PCDHGB7: variants seen among roughly 807,000 people sequenced by gnomAD.
PCDHGB7 encodes protocadherin gamma-B7.
In PCDHGB7, 37 loss-of-function variants were observed where a neutral mutation model predicts 61.4. The ratio of observed to expected loss-of-function variants is 0.60; its 90% CI spans 0.46 to 0.79. The LOEUF (loss-of-function observed/expected upper bound fraction) is 0.79, where lower values mean the gene tolerates loss of function less well. Ranked by LOEUF, PCDHGB7 falls within the 30% of genes least tolerant of loss-of-function variation. The pLI, the probability that PCDHGB7 is intolerant of heterozygous loss-of-function variation, is 0.00. For synonymous variants in PCDHGB7, 464 were observed against 503.5 expected (o/e 0.92, Z 1.05); for missense variants, 1,166 against 1,202.5 (o/e 0.97, Z 0.45).
At chr5:141,448,069 T>G (rs1184496754) in intron 1 of PCDHGB7, among the ~76,000 whole-genome samples, 1 of 151,202 alleles carries the variant, frequency 6.6e-6, no homozygotes, top group African/African-American at 2.4e-5. Context: ...CTGGGCAACA[T>G]GAACGAAATG....
Position 141,511,643 on chromosome 5 carries a change from C to T in PCDHGB7, c.*470C>T, listed in dbSNP as rs937995879. ...TGAAAAGTTGGAAGGGCATCATGACCTCTTGGCCTCTCCTTTGATTCTCAA... is the reference window on the plus strand; with the variant it reads ...TGAAAAGTTGGAAGGGCATCATGACTTCTTGGCCTCTCCTTTGATTCTCAA... On this transcript the variant is annotated 3_prime_UTR_variant, in exon 4 of 4. Coordinates refer to ENST00000398594, the MANE Select transcript of PCDHGB7 (RefSeq NM_018927.4). 4 of 218,904 alleles carry T rather than the reference C, an allele frequency of 1.8e-5. No homozygotes were observed. The highest frequency in any genetic ancestry group is 5.2e-5 in the Admixed American group (1 of 19,306). 13.6% of individuals were successfully genotyped at this position (218,904 alleles called of 1,614,324 possible). A position where few individuals can be genotyped will look rare whatever the true frequency, so the allele number is the denominator to read the frequency against.
At chr5:141,478,735 G>T in intron 1 of PCDHGB7, 1 of 1,535,968 alleles carries the variant, frequency 6.5e-7, no homozygotes, top group Non-Finnish European at 8.8e-7. Flanking sequence ...AGTGTGGTTT[G>T]TGGTCCCATT....
chr5:141,421,578 T>G, intron 1 of PCDHGB7: 1 of 1,613,886 alleles, frequency 6.2e-7, no homozygotes, highest in Non-Finnish European at 8.5e-7. Flanking sequence ...CCTTGAAGAT[T>G]TACGGAGTGG....
intron 2 of PCDHGB7, among the ~76,000 whole-genome samples, chr5:141,500,292 T>A (rs1001226545): frequency 2.0e-5 from 3 of 151,954 alleles, no homozygotes; most frequent in Non-Finnish European, 4.4e-5. Context: ...CACTGCAAGC[T>A]CCGCCTCCCA....
intron 1 of PCDHGB7, among the ~76,000 whole-genome samples, chr5:141,462,030 T>C (rs1283795051): frequency 3.9e-5 from 6 of 152,122 alleles, no homozygotes; most frequent in Non-Finnish European, 8.8e-5. Flanking sequence ...TTCATGTTGG[T>C]CAGGCGGGTC....
chr5:141,505,891 G>A (rs541853565), intron 3 of PCDHGB7, among the ~76,000 whole-genome samples: 9 of 152,288 alleles, frequency 5.9e-5, no homozygotes, highest in Admixed American at 5.9e-4. Context: ...GATTAAATGA[G>A]ATGATACCAC....
At position 141,489,378 on chromosome 5, in the gene PCDHGB7, G is replaced by A. The variant is rs1562129701; in HGVS notation, c.2416-5429G>A. ...AGTCTGAGCCGGGGACGCTGGTGGGGAATGTTGCTCAGGATCTGGGCTTAA... is the reference window on the plus strand; with the variant it reads ...AGTCTGAGCCGGGGACGCTGGTGGGAAATGTTGCTCAGGATCTGGGCTTAA... On this transcript the variant is annotated intron_variant, in intron 1 of 3. Coordinates refer to ENST00000398594, the MANE Select transcript of PCDHGB7 (RefSeq NM_018927.4). The surrounding 1 kb of genome is among the most constrained non-coding windows in gnomAD (Gnocchi z 4.5). 1.2e-6 allele frequency: 2 copies of A among 1,613,908 alleles called. No homozygotes were observed. The highest frequency in any genetic ancestry group is 3.3e-5 in the Admixed American group (2 of 60,026).
At chr5:141,488,183 T>C (rs1249953031) in intron 1 of PCDHGB7, among the ~76,000 whole-genome samples, 1 of 152,148 alleles carries the variant, frequency 6.6e-6, no homozygotes, top group Non-Finnish European at 1.5e-5. Flanking sequence ...CATAGATCTT[T>C]TGGTCTGGGT....
In PCDHGB7 at chr5:141,477,247, T is replaced by C; in HGVS notation, c.2416-17560T>C. On this transcript the variant is annotated intron_variant, in intron 1 of 3. Transcript: ENST00000398594. This position sits in a 1 kb window ranked among gnomAD's most constrained non-coding sequence, Gnocchi z 4.9. ...CTGTCATCGCTTTGCTCAGTGTGAC[T>C]GACCTGGATGCTGGCGAGAACGGGC... The C allele has an allele frequency of 6.2e-7, 1 of 1,614,208 alleles. No individual in the cohort carries two copies. Among genetic ancestry groups the C allele is most frequent in the Non-Finnish European group, 8.5e-7 (1 of 1,180,040 alleles).
chr5:141,494,948 G>C (rs909146), intron 2 of PCDHGB7, 83 bp downstream of exon 2: 1 of 1,608,226 alleles, frequency 6.2e-7, no homozygotes, highest in South Asian at 1.1e-5. Flanking sequence ...GGAGGGCCCA[G>C]CATTTGCTAC....
rs1403789987 is a variant in PCDHGB7 at position 141,511,845 on chromosome 5, T to C, written c.*672T>C. The C allele has an allele frequency of 6.4e-6, 1 of 156,740 alleles. No individual in the cohort carries two copies. The highest frequency in any genetic ancestry group is 1.4e-5 in the Non-Finnish European group (1 of 70,694). 9.7% of individuals were successfully genotyped at this position (156,740 alleles called of 1,614,324 possible). A position where few individuals can be genotyped will look rare whatever the true frequency, so the allele number is the denominator to read the frequency against. On this transcript the variant is annotated 3_prime_UTR_variant, in exon 4 of 4. Transcript: ENST00000398594. ...AACGCCCTGGGGACCAGTCTTCTGT[T>C]TTGTTTTTCATTGTTTGACGTTTCC...
intron 1 of PCDHGB7, among the ~76,000 whole-genome samples, chr5:141,452,835 C>A (rs2098750110): frequency 6.6e-6 from 1 of 152,154 alleles, no homozygotes; most frequent in Admixed American, 6.5e-5. Flanking sequence ...TCACTTGGTC[C>A]AGCCCACACT....
chr5:141,491,896 C>A lies in PCDHGB7; in HGVS notation c.2416-2911C>A. ...CGATTAAGGGATGGGGCTCCGAGCA[C>A]CGGGGGTGGTGGCGACTGTGGGCGA... On this transcript the variant is annotated intron_variant, in intron 1 of 3. Coordinates refer to ENST00000398594, the MANE Select transcript of PCDHGB7 (RefSeq NM_018927.4). This position sits in a 1 kb window ranked among gnomAD's most constrained non-coding sequence, Gnocchi z 6.9. 1 of 1,434,504 alleles carries A rather than the reference C, an allele frequency of 7.0e-7. No homozygotes were observed. Among genetic ancestry groups the A allele is most frequent in the Non-Finnish European group, 9.2e-7 (1 of 1,084,690 alleles). The allele number at this position is 1,434,504 out of a possible 1,614,324, so 88.9% of individuals were successfully genotyped here.
chr5:141,507,023 C>T (rs971356315), intron 3 of PCDHGB7: 16 of 152,348 alleles, frequency 1.1e-4, no homozygotes, highest in African/African-American at 2.4e-4. Flanking sequence ...AAGGCACTTG[C>T]CCCAGGGTCC....
At chr5:141,441,859 G>T in intron 1 of PCDHGB7, 1 of 348,078 alleles carries the variant, frequency 2.9e-6, no homozygotes. Context: ...GGTGCTGCAC[G>T]CCGCGGAGCC....
chr5:141,500,498 C>T (rs1487770160), intron 2 of PCDHGB7, among the ~76,000 whole-genome samples: 5 of 152,120 alleles, frequency 3.3e-5, no homozygotes, highest in African/African-American at 7.2e-5. Context: ...CGTGAGCCAC[C>T]GCGCCTGGCC....
At chr5:141,433,358 C>CCTGCCTAT (rs1554125966) in intron 1 of PCDHGB7, 1 of 498,106 alleles carries the variant, frequency 2.0e-6, no homozygotes, top group Non-Finnish European at 3.5e-6. Flanking sequence ...CTACTGTCTG[C>CCTGCCTAT]CTATCTATCT....
rs183968443 is a variant in PCDHGB7 at position 141,495,033 on chromosome 5, G to A, written c.2474+168G>A. On this transcript the variant is annotated intron_variant, in intron 2 of 3. Coordinates refer to ENST00000398594, the MANE Select transcript of PCDHGB7 (RefSeq NM_018927.4). ...GGGGCTGGCACACAGACCCCGGAAG[G>A]AAGAGGCGACTGCCCTGACTGTTCA... is the stretch of plus-strand genomic sequence containing the variant. 1.4e-3 allele frequency: 1,380 copies of A among 968,234 alleles called. 4 individuals are homozygous for A. Among genetic ancestry groups the A allele is most frequent in the Middle Eastern group, 5.3e-3 (10 of 1,888 alleles). 60.0% of individuals were successfully genotyped at this position (968,234 alleles called of 1,614,324 possible).
At chr5:141,426,726 G>A (rs916323483) in intron 1 of PCDHGB7, 2 of 448,052 alleles carry the variant, frequency 4.5e-6, no homozygotes, top group South Asian at 1.6e-5. Flanking sequence ...AGCAATTCCA[G>A]GCATTCGGTT....
Sources: allele counts gnomAD v4.1 joint callset (sites outside exome capture counted in the v4.1 genomes callset), GRCh38; gene constraint gnomAD v4.1.1; non-coding constraint Gnocchi (gnomAD v3.1); transcripts MANE v1.5; gene names NCBI Gene and HGNC (gene_info 2026-07-23, HGNC 2026-07-21).